MRAP2: variants seen among roughly 807,000 people sequenced by gnomAD.
The protein encoded by MRAP2 is melanocortin 2 receptor accessory protein 2, also known as melanocortin-2 receptor accessory protein 2.
In MRAP2, 20 loss-of-function variants were observed where a neutral mutation model predicts 17.4. The observed-to-expected ratio is 1.15, with a 90% confidence interval of 0.81 to 1.67. The LOEUF is 1.67. MRAP2 is among the 40% of genes most tolerant of loss of function. MRAP2 has a pLI of 0.00. For missense variants in MRAP2, 238 were observed against 240.0 expected, an observed-to-expected ratio of 0.99 and a Z score of 0.05; for synonymous variants, 96 against 88.4, an observed-to-expected ratio of 1.09 and a Z score of -0.48.
chr6:84,089,165 A>G lies in MRAP2; in HGVS notation c.302A>G (p.Asp101Gly). The G allele has an allele frequency of 3.1e-6, 5 of 1,614,218 alleles. No individual in the cohort carries two copies. The highest frequency in any genetic ancestry group is 4.2e-6 in the Non-Finnish European group (5 of 1,180,040). ...VSDFGRPLEP[D>G]KVFSRQGNEE... ...GACTTTGGAAGACCTCTGGAGCCAG[A>G]TAAAGTATTTTCTCGCCAAGGCAAC... Residue 101 changes from aspartate to glycine, a missense_variant, in exon 4 of 4, where the codon GAT (aspartate) becomes GGT (glycine). Asp to Gly is a moderately conservative substitution (Grantham distance 94). Coordinates refer to ENST00000257776, the MANE Select transcript of MRAP2 (RefSeq NM_138409.4).
the MRAP2 span, among the ~76,000 whole-genome samples, chr6:84,142,050 A>G: frequency 3.3e-5 from 5 of 152,152 alleles, no homozygotes; most frequent in African/African-American, 9.7e-5. Flanking sequence ...CAACCCCCAC[A>G]TACATTTGAG....
At chr6:84,034,041 T>C (rs1197961460) in intron 1 of MRAP2, among the ~76,000 whole-genome samples, 158 bp downstream of exon 1, 2 of 151,772 alleles carry the variant, frequency 1.3e-5, no homozygotes. Context: ...AGAATTGGGG[T>C]GTGAGGACGC....
At position 84,033,894 on chromosome 6, in the gene MRAP2, G is replaced by A. The variant is rs1173539174; in HGVS notation, c.-8+11G>A. The A allele has an allele frequency of 5.1e-6, 5 of 985,824 alleles. No individual in the cohort carries two copies. The highest frequency in any genetic ancestry group is 4.8e-6 in the Non-Finnish European group (4 of 830,166). The allele number at this position is 985,824 out of a possible 1,614,324, so 61.1% of individuals were successfully genotyped here. On this transcript the variant is annotated intron_variant, in intron 1 of 3. Coordinates refer to ENST00000257776, the MANE Select transcript of MRAP2 (RefSeq NM_138409.4). The stretch of plus-strand genomic sequence containing the variant: ...GGGGCTAGCCAGCCGGTAACCACGG[G>A]CGGGACAGGGCGCCCAGGGCGGAGC...
At chr6:84,117,685 GGTT>G in the MRAP2 span, among the ~76,000 whole-genome samples, 20 of 147,348 alleles carry the variant, frequency 1.4e-4, no homozygotes, top group South Asian at 1.1e-3. Context: ...GTGTGTGTGT[GGTT>G]GTTGTTGTTG....
At chr6:84,069,757 T>C (rs2099495728) in intron 3 of MRAP2, among the ~76,000 whole-genome samples, 1 of 152,162 alleles carries the variant, frequency 6.6e-6, no homozygotes, top group South Asian at 2.1e-4. Context: ...TAAATTACCA[T>C]TTTAATCTCG....
At chr6:84,057,199 G>A (rs1434958996) in intron 2 of MRAP2, among the ~76,000 whole-genome samples, 2 of 152,178 alleles carry the variant, frequency 1.3e-5, no homozygotes, top group Non-Finnish European at 1.5e-5. Context: ...CTGTTGAAAT[G>A]TGTGCTCTGG....
At chr6:84,064,633 A>T (rs181120109) in intron 3 of MRAP2, among the ~76,000 whole-genome samples, 4 of 151,986 alleles carry the variant, frequency 2.6e-5, no homozygotes, top group Non-Finnish European at 5.9e-5. Context: ...GACTACAGGC[A>T]CCCACCACCA....
intron 3 of MRAP2, among the ~76,000 whole-genome samples, chr6:84,073,188 C>T (rs1408139940): frequency 6.6e-6 from 1 of 152,322 alleles, no homozygotes; most frequent in Non-Finnish European, 1.5e-5. Flanking sequence ...TCTGGCCGCC[C>T]TGCCTATATA....
At chr6:84,044,444 C>T (rs1386420071) in intron 1 of MRAP2, among the ~76,000 whole-genome samples, 1 of 152,238 alleles carries the variant, frequency 6.6e-6, no homozygotes, top group Non-Finnish European at 1.5e-5. Context: ...GCTTTGGCCT[C>T]CCAAAGGAAT....
At chr6:84,080,540 C>G (rs1303071542) in intron 3 of MRAP2, among the ~76,000 whole-genome samples, 1 of 152,152 alleles carries the variant, frequency 6.6e-6, no homozygotes, top group East Asian at 1.9e-4. Flanking sequence ...GACTAGGAAT[C>G]AGTGTCAAAA....
chr6:84,044,508 A>C (rs1441815166), intron 1 of MRAP2, among the ~76,000 whole-genome samples: 1 of 152,212 alleles, frequency 6.6e-6, no homozygotes, highest in Non-Finnish European at 1.5e-5. Flanking sequence ...TGCTGGTCAC[A>C]TGTAGGTTTC....
chr6:84,099,842 T>C, the MRAP2 span, among the ~76,000 whole-genome samples: 30 of 152,144 alleles, frequency 2.0e-4, no homozygotes, highest in African/African-American at 7.2e-4. Context: ...AGATAGTGTA[T>C]ATCTTCTTCT....
the MRAP2 span, among the ~76,000 whole-genome samples, chr6:84,111,509 A>G: frequency 2.0e-5 from 3 of 152,244 alleles, no homozygotes; most frequent in African/African-American, 7.2e-5. Flanking sequence ...TTGAGCTGAG[A>G]CAATGGGGTT....
the MRAP2 span, among the ~76,000 whole-genome samples, chr6:84,130,753 T>G: frequency 6.6e-6 from 1 of 152,016 alleles, no homozygotes; most frequent in Non-Finnish European, 1.5e-5. Context: ...TCTCTTCTCT[T>G]CTTTATTAAT....
At chr6:84,062,493 G>C in intron 2 of MRAP2, 2 of 963,420 alleles carry the variant, frequency 2.1e-6, no homozygotes, top group Non-Finnish European at 2.5e-6. Flanking sequence ...AATTTAATTT[G>C]TCTAAAGTTT....
downstream of MRAP2, among the ~76,000 whole-genome samples, chr6:84,092,929 A>G (rs1049430678): frequency 2.0e-5 from 3 of 152,216 alleles, no homozygotes; most frequent in Admixed American, 1.3e-4. Context: ...CAAAATAACA[A>G]ATCCTTCAAA....
intron 3 of MRAP2, among the ~76,000 whole-genome samples, chr6:84,076,732 C>T (rs2099497728): frequency 6.6e-6 from 1 of 152,204 alleles, no homozygotes; most frequent in African/African-American, 2.4e-5. Flanking sequence ...CTGATCTGCC[C>T]ACCACTTTTC....
the MRAP2 span, among the ~76,000 whole-genome samples, chr6:84,107,205 G>A: frequency 5.3e-5 from 8 of 152,204 alleles, no homozygotes; most frequent in Middle Eastern, 0.01. Context: ...AGCTTTTTGG[G>A]TCATGTGGTA....
intron 3 of MRAP2, among the ~76,000 whole-genome samples, chr6:84,084,966 A>T (rs2099500019): frequency 7.0e-6 from 1 of 142,096 alleles, no homozygotes. Context: ...ATTTTATTAT[A>T]CTTTAAGTTT....
Sources: gnomAD v4.1 joint callset for allele counts (sites outside exome capture counted in the v4.1 genomes callset) on GRCh38, gnomAD v4.1.1 for gene constraint, MANE v1.5 for transcripts, NCBI Gene and HGNC (gene_info 2026-07-23, HGNC 2026-07-21) for gene names.